The following PRKN variants were observed in gnomAD, a reference collection of about 807,000 sequenced individuals.
PRKN encodes the protein parkin RBR E3 ubiquitin protein ligase.
A neutral mutation model predicts 59.5 loss-of-function variants in PRKN; 56 were observed. The ratio of observed to expected loss-of-function variants is 0.94; its 90% CI spans 0.76 to 1.18. The LOEUF (loss-of-function observed/expected upper bound fraction) is 1.18. Among genes scored for constraint, PRKN ranks in the 50% most tolerant of loss-of-function variants. PRKN has a pLI of 0.00. For missense variants in PRKN, 657 were observed against 596.4 expected, an observed-to-expected ratio of 1.10 and a Z score of -1.06; for synonymous variants, 250 against 222.1, an observed-to-expected ratio of 1.13 and a Z score of -1.12.
At chr6:162,320,592 C>T (rs1782977092) in intron 2 of PRKN, among the ~76,000 whole-genome samples, 1 of 151,500 alleles carries the variant, frequency 6.6e-6, no homozygotes, top group Admixed American at 6.6e-5. Flanking sequence ...AATAAAAAGA[C>T]TATTTCAAGA....
intron 1 of PRKN, among the ~76,000 whole-genome samples, chr6:162,713,770 G>C (rs1426386756): frequency 6.6e-6 from 1 of 151,964 alleles, no homozygotes; most frequent in Non-Finnish European, 1.5e-5. Flanking sequence ...GAACTTAAAA[G>C]ACAGGATGAA....
At chr6:161,577,033 A>T (rs967915897) in intron 7 of PRKN, among the ~76,000 whole-genome samples, 14 of 152,234 alleles carry the variant, frequency 9.2e-5, no homozygotes, top group African/African-American at 3.4e-4. Context: ...TATGTATCAA[A>T]TTGAAGGGAA....
Position 161,456,788 on chromosome 6 carries a change from C to G in PRKN, c.1084-69911G>C, listed in dbSNP as rs1377056473. On this transcript the variant is annotated intron_variant, in intron 9 of 11. Coordinates refer to ENST00000366898, the MANE Select transcript of PRKN (RefSeq NM_004562.3). The surrounding 1 kb of genome is among the most constrained non-coding windows in gnomAD (Gnocchi z 4.8). Reference sequence around the variant, plus strand: ...AGGGTCTGGGGTACATGCACATGACCCTTCCTCTTCCTCTTCCACCCACAT... The same window carrying G: ...AGGGTCTGGGGTACATGCACATGACGCTTCCTCTTCCTCTTCCACCCACAT... 1.3e-5 allele frequency among the ~76,000 whole-genome samples: 2 copies of G among 152,106 alleles called. No individual in the cohort carries two copies. The highest frequency in any genetic ancestry group is 2.1e-4 in the South Asian group (1 of 4,816).
In PRKN at chr6:161,451,366, A is replaced by T; in HGVS notation, c.1084-64489T>A. ...TCAGCTCCCTCTTGATTTTGGGACC[A>T]AGCATTGAATATAAAGTTAGGATGT... is the stretch of plus-strand genomic sequence containing the variant. On this transcript the variant is annotated intron_variant, in intron 9 of 11. Coordinates refer to ENST00000366898, the MANE Select transcript of PRKN (RefSeq NM_004562.3). The surrounding 1 kb of genome is among the most constrained non-coding windows in gnomAD (Gnocchi z 5.9). 6.6e-6 allele frequency among the ~76,000 whole-genome samples: 1 copy of T among 152,202 alleles called. No individual in the cohort carries two copies. The highest frequency in any genetic ancestry group is 1.9e-4 in the East Asian group (1 of 5,202).
intron 2 of PRKN, among the ~76,000 whole-genome samples, chr6:162,301,778 C>CGGGAG (rs1781963228): frequency 1.6e-5 from 1 of 62,918 alleles, no homozygotes; most frequent in Admixed American, 1.9e-4. Context: ...ATAAATTGGC[C>CGGGAG]GGGGCGGGGG....
At chr6:162,517,624 C>T (rs1048119538) in intron 1 of PRKN, among the ~76,000 whole-genome samples, 1 of 152,060 alleles carries the variant, frequency 6.6e-6, no homozygotes, top group African/African-American at 2.4e-5. Flanking sequence ...AACCAGTGAA[C>T]TAGATCATTG....
chr6:162,488,066 ACACT>A (rs1211103821), intron 1 of PRKN, among the ~76,000 whole-genome samples: 1 of 145,856 alleles, frequency 6.9e-6, no homozygotes, highest in Non-Finnish European at 1.5e-5. Flanking sequence ...GGAGGGTTAA[ACACT>A]CACTAATATT....
At chr6:162,086,142 A>G (rs1235410848) in intron 4 of PRKN, among the ~76,000 whole-genome samples, 2 of 152,122 alleles carry the variant, frequency 1.3e-5, no homozygotes, top group Non-Finnish European at 2.9e-5. Flanking sequence ...ATACTCTTTC[A>G]TTATCCTATT....
At chr6:162,054,713 A>G (rs1777787514) in intron 4 of PRKN, among the ~76,000 whole-genome samples, 8 of 152,230 alleles carry the variant, frequency 5.3e-5, no homozygotes, top group Admixed American at 5.2e-4. Context: ...CCTAGGCATC[A>G]AAGAAATAAA....
At chr6:161,860,093 T>C (rs1430369503) in intron 6 of PRKN, among the ~76,000 whole-genome samples, 1 of 152,168 alleles carries the variant, frequency 6.6e-6, no homozygotes, top group Non-Finnish European at 1.5e-5. Context: ...TAGTGTATAA[T>C]AGTAAGTTTA....
intron 9 of PRKN, among the ~76,000 whole-genome samples, chr6:161,496,504 G>C (rs979457897): frequency 6.6e-6 from 1 of 152,218 alleles, no homozygotes. Context: ...AGGAGCAAAG[G>C]CACGTCTTAC....
rs957601403 is a variant in PRKN, at chr6:161,402,999, C to G, written c.1084-16122G>C. On this transcript the variant is annotated intron_variant, in intron 9 of 11. Coordinates refer to ENST00000366898, the MANE Select transcript of PRKN (RefSeq NM_004562.3). This position sits in a 1 kb window ranked among gnomAD's most constrained non-coding sequence, Gnocchi z 4.5. ...AGAAGCTAGTTCAGAGAAAGGCCCT[C>G]CCCGAATTTGCTGTTCCCCAAGTGT... Among the ~76,000 whole-genome samples, 1 of 152,060 alleles carries G rather than the reference C, an allele frequency of 6.6e-6. No homozygotes were observed. The highest frequency in any genetic ancestry group is 2.4e-5 in the African/African-American group (1 of 41,412).
At chr6:162,527,824 A>G (rs1234449895) in intron 1 of PRKN, among the ~76,000 whole-genome samples, 1 of 151,952 alleles carries the variant, frequency 6.6e-6, no homozygotes, top group East Asian at 1.9e-4. Flanking sequence ...TTAATCTCAT[A>G]TCCACCCTGG....
chr6:162,532,722 C>G (rs1778563101), intron 1 of PRKN, among the ~76,000 whole-genome samples: 2 of 152,176 alleles, frequency 1.3e-5, no homozygotes, highest in Non-Finnish European at 2.9e-5. Flanking sequence ...TGAACACAGA[C>G]TAGATTGAAC....
chr6:162,197,925 T>C (rs1054554333), intron 4 of PRKN, among the ~76,000 whole-genome samples: 2 of 152,170 alleles, frequency 1.3e-5, no homozygotes, highest in African/African-American at 2.4e-5. Context: ...AAACATAAAC[T>C]AGAGACCCAA....
At chr6:161,449,599 C>T (rs553353957) in intron 9 of PRKN, among the ~76,000 whole-genome samples, 2 of 152,208 alleles carry the variant, frequency 1.3e-5, no homozygotes, top group African/African-American at 4.8e-5. Flanking sequence ...CATAAGTGCA[C>T]GTGTTGAAGA....
At chr6:162,632,797 C>T (rs2846514) in intron 1 of PRKN, among the ~76,000 whole-genome samples, 122,972 of 152,032 alleles carry the variant, frequency 0.81, 49,926 homozygotes, top group East Asian at 0.95. Context: ...CAGTTTGTTA[C>T]AATAATATAG....
At chr6:162,083,015 C>T (rs1030659785) in intron 4 of PRKN, among the ~76,000 whole-genome samples, 5 of 151,948 alleles carry the variant, frequency 3.3e-5, no homozygotes, top group Admixed American at 1.3e-4. Context: ...GATGCAGTGG[C>T]GCGATGTCAG....
intron 7 of PRKN, among the ~76,000 whole-genome samples, chr6:161,701,665 A>G (rs1786255768): frequency 6.6e-6 from 1 of 152,244 alleles, no homozygotes; most frequent in Non-Finnish European, 1.5e-5. Context: ...GTATAGATCA[A>G]TGTGGCTTGA....
Sources: allele counts gnomAD v4.1 joint callset (sites outside exome capture counted in the v4.1 genomes callset), GRCh38; gene constraint gnomAD v4.1.1; non-coding constraint Gnocchi (gnomAD v3.1); transcripts MANE v1.5; gene names NCBI Gene and HGNC (gene_info 2026-07-23, HGNC 2026-07-21).